Variants in VSTM4 observed in about 807,000 individuals in gnomAD.
The protein encoded by VSTM4 is V-set and transmembrane domain containing 4, also known as V-set and transmembrane domain-containing protein 4.
In VSTM4, 20 loss-of-function variants were observed where a neutral mutation model predicts 36.4. The observed-to-expected ratio is 0.55, with a 90% CI of 0.39 to 0.80. The LOEUF (loss-of-function observed/expected upper bound fraction) is 0.80. Among genes scored for constraint, VSTM4 ranks in the 30% least tolerant of loss-of-function variants. The probability of loss-of-function intolerance (pLI) is 0.00; values close to 1 mark genes in which losing one functional copy is unlikely to be tolerated. For synonymous variants in VSTM4, 182 were observed against 173.9 expected (o/e 1.05, Z -0.37); for missense variants, 392 against 404.5 (o/e 0.97, Z 0.26).
intron 2 of VSTM4, among the ~76,000 whole-genome samples, chr10:49,086,864 G>C (rs1478018909): frequency 6.6e-6 from 1 of 152,154 alleles, no homozygotes; most frequent in East Asian, 1.9e-4. Flanking sequence ...TTTTATTTAA[G>C]TTTAATTAAT....
At chr10:49,105,841 GTA>G (rs34327380) in intron 2 of VSTM4, among the ~76,000 whole-genome samples, 18,683 of 149,186 alleles carry the variant, frequency 0.13, 1,429 homozygotes, top group Non-Finnish European at 0.17. Context: ...ATGTGTGTGT[GTA>G]TATATATATA....
At chr10:49,060,774 C>A (rs1388976583) in intron 5 of VSTM4, among the ~76,000 whole-genome samples, 1 of 152,156 alleles carries the variant, frequency 6.6e-6, no homozygotes. Context: ...CTCCTGTTCT[C>A]TTCTAGAAAT....
At chr10:49,047,949 G>A (rs1219540355) in intron 6 of VSTM4, among the ~76,000 whole-genome samples, 3 of 152,074 alleles carry the variant, frequency 2.0e-5, no homozygotes, top group Non-Finnish European at 4.4e-5. Flanking sequence ...TAATACTCTC[G>A]CAGTTCTTTC....
chr10:49,096,668 T>TGTGTGTGTG (rs1564593231), intron 2 of VSTM4, among the ~76,000 whole-genome samples: 43 of 147,240 alleles, frequency 2.9e-4, no homozygotes, highest in South Asian at 1.5e-3. Flanking sequence ...TGTGTGTGTG[T>TGTGTGTGTG]TTTGAGACGG....
At chr10:49,072,144 T>A (rs1263588016) in intron 4 of VSTM4, among the ~76,000 whole-genome samples, 1 of 152,194 alleles carries the variant, frequency 6.6e-6, no homozygotes, top group East Asian at 1.9e-4. Flanking sequence ...TTGCTTCCAA[T>A]GAGAGCCATG....
intron 4 of VSTM4, 91 bp downstream of exon 4, chr10:49,077,128 T>C: frequency 7.6e-7 from 1 of 1,312,812 alleles, no homozygotes; most frequent in Admixed American, 1.9e-5. Context: ...AATGCACTTT[T>C]CCACCAAGGT....
intron 2 of VSTM4, chr10:49,103,943 A>G: frequency 8.7e-7 from 1 of 1,155,004 alleles, no homozygotes; most frequent in Non-Finnish European, 1.2e-6. Flanking sequence ...AACCCCCAAG[A>G]GCTCCTGTTT....
intron 5 of VSTM4, among the ~76,000 whole-genome samples, chr10:49,054,284 G>C (rs1843742415): frequency 6.6e-6 from 1 of 152,264 alleles, no homozygotes; most frequent in South Asian, 2.1e-4. Flanking sequence ...CCATCTCCCT[G>C]AAGAGAAGTA....
intron 4 of VSTM4, among the ~76,000 whole-genome samples, chr10:49,072,174 T>C (rs1238268407): frequency 6.6e-6 from 1 of 152,102 alleles, no homozygotes; most frequent in East Asian, 1.9e-4. Context: ...AGCTAATCCA[T>C]AAAAGGAGGA....
At chr10:49,056,772 C>T (rs184018072) in intron 5 of VSTM4, among the ~76,000 whole-genome samples, 116 of 152,368 alleles carry the variant, frequency 7.6e-4, no homozygotes, top group African/African-American at 2.4e-3. Context: ...CTGGACAAGA[C>T]ATTCTGAGCC....
chr10:49,057,981 T>G (rs1330241380), intron 5 of VSTM4, among the ~76,000 whole-genome samples: 2 of 152,190 alleles, frequency 1.3e-5, no homozygotes, highest in Non-Finnish European at 2.9e-5. Context: ...AATCTGACCC[T>G]ACAACTGATC....
At chr10:49,080,338 G>T (rs1479857692) in intron 3 of VSTM4, among the ~76,000 whole-genome samples, 1 of 152,180 alleles carries the variant, frequency 6.6e-6, no homozygotes, top group Non-Finnish European at 1.5e-5. Flanking sequence ...AGAAGAAAGG[G>T]GGCATGAAAT....
At chr10:49,107,035 C>G (rs12245255) in intron 2 of VSTM4, among the ~76,000 whole-genome samples, 36,344 of 152,166 alleles carry the variant, frequency 0.24, 5,762 homozygotes, top group African/African-American at 0.44. Flanking sequence ...CGATAAGCAT[C>G]TTAGCAAACC....
chr10:49,031,600 G>T (rs1843347017), intron 7 of VSTM4, among the ~76,000 whole-genome samples: 1 of 152,218 alleles, frequency 6.6e-6, no homozygotes, highest in South Asian at 2.1e-4. Flanking sequence ...TGTGTCTCAG[G>T]CCAGGGCCAA....
intron 5 of VSTM4, among the ~76,000 whole-genome samples, chr10:49,062,505 T>C (rs1843895212): frequency 6.6e-6 from 1 of 152,242 alleles, no homozygotes; most frequent in Non-Finnish European, 1.5e-5. Context: ...CCTTCTGCCC[T>C]TCATGGATTC....
chr10:49,074,971 C>T lies in VSTM4; in HGVS notation c.634+2248G>A, dbSNP rs982305318. Among the ~76,000 whole-genome samples the T allele has an allele frequency of 4.6e-5, 7 of 152,324 alleles. No homozygotes were observed. In the South Asian group the frequency reaches 6.2e-4, roughly 14 times the overall value. On this transcript the variant is annotated intron_variant, in intron 4 of 7. Transcript: ENST00000332853. ...CTGTGCTGTCAGGTAAGAGCATTGT[C>T]GCTCTCATCCAGGGTCACATAAGCA...
At chr10:49,092,075 G>C (rs913999432) in intron 2 of VSTM4, among the ~76,000 whole-genome samples, 1 of 152,202 alleles carries the variant, frequency 6.6e-6, no homozygotes, top group Non-Finnish European at 1.5e-5. Flanking sequence ...ACCCTGGCCA[G>C]GGTAGCTGAA....
chr10:49,093,990 A>G (rs7093398), intron 2 of VSTM4, among the ~76,000 whole-genome samples: 75,197 of 151,754 alleles, frequency 0.5, 21,981 homozygotes, highest in African/African-American at 0.82. Context: ...CTCGCGATCC[A>G]CCCACCTCGG....
At chr10:49,030,057 C>T (rs1188442357) in intron 7 of VSTM4, among the ~76,000 whole-genome samples, 1 of 152,196 alleles carries the variant, frequency 6.6e-6, no homozygotes, top group Non-Finnish European at 1.5e-5. Flanking sequence ...TCTGCTTGGG[C>T]CAGGCTGTGT....
Sources: allele counts gnomAD v4.1 joint callset (sites outside exome capture counted in the v4.1 genomes callset), GRCh38; gene constraint gnomAD v4.1.1; transcripts MANE v1.5; gene names NCBI Gene and HGNC (gene_info 2026-07-23, HGNC 2026-07-21).